CUL1: variants seen among roughly 807,000 people sequenced by gnomAD.
CUL1 encodes cullin 1, also known as cullin-1.
A neutral mutation model predicts 118.0 loss-of-function variants in CUL1; 24 were observed. The ratio of observed to expected loss-of-function variants is 0.20; its 90% CI spans 0.15 to 0.29. The LOEUF is 0.29. Among genes scored for constraint, CUL1 ranks in the 10% least tolerant of loss-of-function variants. CUL1 has a pLI of 1.00. For missense variants in CUL1, 361 were observed against 933.8 expected (o/e 0.39, Z 7.99); for synonymous variants, 332 against 340.4 (o/e 0.98, Z 0.27).
At chr7:148,783,581 T>A in intron 9 of CUL1, 1 of 1,488,652 alleles carries the variant, frequency 6.7e-7, no homozygotes, top group African/African-American at 1.4e-5. Flanking sequence ...AATAGATTGT[T>A]TTTTCTTTTA....
intron 1 of CUL1, among the ~76,000 whole-genome samples, chr7:148,723,266 G>A (rs1212898100): frequency 4.6e-5 from 7 of 152,288 alleles, no homozygotes; most frequent in South Asian, 2.1e-4. Flanking sequence ...AGTTTGGGCC[G>A]TCTGTCTGCC....
chr7:148,774,584 G>A (rs1011053275), intron 9 of CUL1, among the ~76,000 whole-genome samples: 4 of 152,174 alleles, frequency 2.6e-5, no homozygotes, highest in Non-Finnish European at 5.9e-5. Context: ...CTCTGTAAAT[G>A]AACATAAATC....
intron 1 of CUL1, among the ~76,000 whole-genome samples, chr7:148,709,925 A>G (rs949841101): frequency 6.6e-6 from 1 of 152,010 alleles, no homozygotes; most frequent in African/African-American, 2.4e-5. Flanking sequence ...TGTACAAAAA[A>G]TGAAAAGATT....
intron 1 of CUL1, among the ~76,000 whole-genome samples, chr7:148,701,053 C>T (rs1270320353): frequency 1.3e-5 from 2 of 152,094 alleles, no homozygotes; most frequent in Non-Finnish European, 2.9e-5. Flanking sequence ...CATACATTTC[C>T]GATTGTGAAT....
chr7:148,775,053 G>A (rs1259227983), intron 9 of CUL1, among the ~76,000 whole-genome samples: 9 of 152,224 alleles, frequency 5.9e-5, no homozygotes, highest in African/African-American at 2.2e-4. Context: ...CTGTGATTTA[G>A]ATTGGGAAGT....
chr7:148,771,412 G>A (rs564204422), intron 9 of CUL1, among the ~76,000 whole-genome samples: 9 of 152,272 alleles, frequency 5.9e-5, no homozygotes, highest in Non-Finnish European at 1.2e-4. Context: ...AAACATTAAA[G>A]GCTATTTCTG....
At chr7:148,710,303 G>A (rs1164494051) in intron 1 of CUL1, among the ~76,000 whole-genome samples, 3 of 108,854 alleles carry the variant, frequency 2.8e-5, no homozygotes, top group African/African-American at 4.5e-5. Context: ...GGCCGGGCGC[G>A]GTACGCCTGT....
intron 9 of CUL1, among the ~76,000 whole-genome samples, chr7:148,782,841 G>A (rs1460741794): frequency 1.1e-5 from 1 of 87,722 alleles, no homozygotes; most frequent in Non-Finnish European, 2.4e-5. Context: ...AAACATGGGC[G>A]TGCCGCGGCG....
intron 9 of CUL1, among the ~76,000 whole-genome samples, chr7:148,779,808 G>A (rs956260206): frequency 6.6e-6 from 1 of 152,212 alleles, no homozygotes; most frequent in Non-Finnish European, 1.5e-5. Flanking sequence ...GTCTGTGAGG[G>A]TGTTGGCAAA....
intron 2 of CUL1, among the ~76,000 whole-genome samples, chr7:148,743,800 C>T (rs1799221678): frequency 6.6e-6 from 1 of 152,092 alleles, no homozygotes; most frequent in Non-Finnish European, 1.5e-5. Context: ...TGGTGGTGGG[C>T]GCCTGTAGTT....
At chr7:148,773,252 C>G (rs530654709) in intron 9 of CUL1, among the ~76,000 whole-genome samples, 13 of 151,970 alleles carry the variant, frequency 8.6e-5, no homozygotes, top group African/African-American at 1.2e-4. Flanking sequence ...TTTCATGAAC[C>G]CTGTCTTCCA....
intron 1 of CUL1, among the ~76,000 whole-genome samples, 193 bp from the exon 2 acceptor site, chr7:148,729,766 TATC>T (rs1418990004): frequency 1.3e-4 from 20 of 152,242 alleles, no homozygotes; most frequent in African/African-American, 4.8e-4. Flanking sequence ...TGAGTGCTGA[TATC>T]ATAATGATTT....
intron 17 of CUL1, among the ~76,000 whole-genome samples, chr7:148,793,397 C>A (rs368336786): frequency 1.3e-5 from 2 of 152,118 alleles, no homozygotes; most frequent in African/African-American, 4.8e-5. Flanking sequence ...GAACTACCAC[C>A]ATTATCCAAT....
rs564541056 is a variant in CUL1 at position 148,740,606 on chromosome 7, T to C, written c.140+10344T>C. Among the ~76,000 whole-genome samples the C allele has an allele frequency of 2.0e-5, 3 of 152,328 alleles. No individual in the cohort carries two copies. In the South Asian group the frequency reaches 6.2e-4, roughly 32 times the overall value. Reference sequence around the variant, plus strand: ...TTTGTATACATGTAACTATATGATATGTGGTGTTATGGACTTAATTGTGCC... The same window carrying C: ...TTTGTATACATGTAACTATATGATACGTGGTGTTATGGACTTAATTGTGCC... On this transcript the variant is annotated intron_variant, in intron 2 of 21. Transcript: ENST00000325222.
chr7:148,799,461 G>C (rs1233423122), intron 21 of CUL1, 73 bp downstream of exon 21: 3 of 1,006,272 alleles, frequency 3.0e-6, no homozygotes, highest in East Asian at 2.5e-5. Flanking sequence ...AAAGTGGATT[G>C]ATTGCTGTAG....
At chr7:148,790,193 C>T (rs1214056867) in intron 15 of CUL1, 117 bp from the exon 16 acceptor site, 2 of 1,010,844 alleles carry the variant, frequency 2.0e-6, no homozygotes, top group East Asian at 5.3e-5. Context: ...TTGTATTTTA[C>T]TTTTATGTAA....
Position 148,797,946 on chromosome 7 carries a change from G to A in CUL1, c.1957G>A (p.Asp653Asn). The A allele has an allele frequency of 6.2e-7, 1 of 1,612,950 alleles. No homozygotes were observed. The part of the protein sequence containing the change: ...LLKSKLLVLE[D>N]ENANVDEVEL... Reference sequence around the variant, plus strand: ...AATTGTTTTCTTACAGGTCTTGGAAGATGAAAATGCAAATGTTGATGAGGT... The same window carrying A: ...AATTGTTTTCTTACAGGTCTTGGAAAATGAAAATGCAAATGTTGATGAGGT... Residue 653 changes from aspartate to asparagine, a missense_variant, in exon 19 of 22, where the codon GAT becomes AAT. Around this residue, in one of 7 missense-constraint regions of CUL1, gnomAD observed 84 missense variants for 203.3 expected, o/e 0.41. Transcript: ENST00000325222.
rs201826987 is a variant in CUL1, at chr7:148,730,279, C to T, written c.140+17C>T. 740 of 1,590,452 alleles carry T rather than the reference C, an allele frequency of 4.7e-4. 2 individuals carry two copies. The highest frequency in any genetic ancestry group is 1.1e-3 in the South Asian group (94 of 87,138). On this transcript the variant is annotated intron_variant, in intron 2 of 21. Transcript: ENST00000325222. ...GCTCTACACGTATCCTCCTGCCTAG[C>T]GCAGGTTGATTGCTTAGAGTTTTGA...
chr7:148,725,618 A>G (rs1160149312), intron 1 of CUL1, among the ~76,000 whole-genome samples: 1 of 152,100 alleles, frequency 6.6e-6, no homozygotes, highest in African/African-American at 2.4e-5. Flanking sequence ...CACCCAAGCC[A>G]GGTCTCAGCA....
Sources: gnomAD v4.1 joint callset for allele counts (sites outside exome capture counted in the v4.1 genomes callset) on GRCh38, gnomAD v4.1.1 for gene constraint, gnomAD v4.1.1 regional missense constraint, MANE v1.5 for transcripts, NCBI Gene and HGNC (gene_info 2026-07-23, HGNC 2026-07-21) for gene names.